Variants in LRRIQ1 observed in about 807,000 individuals in gnomAD.
LRRIQ1 encodes the protein leucine rich repeats and IQ motif containing 1.
A neutral mutation model predicts 211.9 loss-of-function variants in LRRIQ1; 210 were observed. That is an observed-to-expected ratio of 0.99 (90% confidence interval 0.89 to 1.11). LRRIQ1 has a LOEUF of 1.11. Among genes scored for constraint, LRRIQ1 ranks in the 50% most tolerant of loss-of-function variants. The pLI, the probability that LRRIQ1 is intolerant of heterozygous loss-of-function variation, is 0.00. For synonymous variants in LRRIQ1, 699 were observed against 650.1 expected (o/e 1.08, Z -1.14); for missense variants, 2,136 against 1,939.5 (o/e 1.10, Z -1.90).
At chr12:85,105,446 T>C (rs1886704219) in intron 14 of LRRIQ1, among the ~76,000 whole-genome samples, 1 of 152,142 alleles carries the variant, frequency 6.6e-6, no homozygotes, top group South Asian at 2.1e-4. Flanking sequence ...ATAACCTTTT[T>C]TTTTCATAAT....
chr12:85,201,216 T>C (rs1441240384), intron 24 of LRRIQ1, among the ~76,000 whole-genome samples: 2 of 151,720 alleles, frequency 1.3e-5, no homozygotes, highest in Non-Finnish European at 2.9e-5. Flanking sequence ...TCGAGGCTAT[T>C]GGCCTGATGT....
intron 26 of LRRIQ1, among the ~76,000 whole-genome samples, chr12:85,233,525 A>G (rs747307153): frequency 4.6e-5 from 7 of 152,134 alleles, no homozygotes; most frequent in Non-Finnish European, 7.3e-5. Flanking sequence ...ATTATAATTT[A>G]GCTTGGCTTA....
Position 85,098,381 on chromosome 12 carries a change from C to A in LRRIQ1, c.2914C>A (p.Gln972Lys), listed in dbSNP as rs780814716. 9 of 1,607,888 alleles carry A rather than the reference C, an allele frequency of 5.6e-6. 1 individual carries two copies. The highest frequency in any genetic ancestry group is 5.1e-5 in the Admixed American group (3 of 59,368). ...TGGTTTAGAATCTTTGAAAAATCTT[C>A]AACAACTAATTTTGGACCACAATCA... ...NCGLESLKNL[Q>K]QLILDHNQLI... Residue 972 changes from glutamine (Q) to lysine (K), a missense_variant, in exon 12 of 27, where the codon CAA becomes AAA. Physicochemically the swap from Gln to Lys is moderately conservative, Grantham distance 53 (BLOSUM62 1). Transcript: ENST00000393217.
Position 85,098,924 on chromosome 12 carries a change from A to G in LRRIQ1, c.3139A>G (p.Ile1047Val). 2.5e-6 allele frequency: 4 copies of G among 1,574,686 alleles called. No individual in the cohort carries two copies. Among genetic ancestry groups the G allele is most frequent in the Non-Finnish European group, 3.5e-6 (4 of 1,157,376 alleles). Reference protein sequence around the residue: ...LRELHLDDNSISTVEAFSSYW... With the variant: ...LRELHLDDNSVSTVEAFSSYW... Reference sequence around the variant, plus strand: ...AGAATTGCACTTGGATGATAACAGCATTTCAACTGTGGAAGCATTTTCTTC... The same window carrying G: ...AGAATTGCACTTGGATGATAACAGCGTTTCAACTGTGGAAGCATTTTCTTC... The change falls in exon 13 of 27, where the codon ATT becomes GTT. Residue 1047 changes from isoleucine (I) to valine (V), a missense_variant. Ile to Val is a conservative substitution (Grantham distance 29). Coordinates refer to ENST00000393217, the MANE Select transcript of LRRIQ1 (RefSeq NM_001079910.2).
chr12:85,194,755 T>C (rs1029611464), intron 24 of LRRIQ1, among the ~76,000 whole-genome samples: 1 of 151,822 alleles, frequency 6.6e-6, no homozygotes, highest in African/African-American at 2.4e-5. Context: ...ACATCACAAT[T>C]GAAAGAACTA....
At chr12:85,073,151 G>T in intron 11 of LRRIQ1, 53 bp downstream of exon 11, 1 of 1,357,116 alleles carries the variant, frequency 7.4e-7, no homozygotes. Context: ...TCTAGAGGAG[G>T]TATGGGGAGG....
Position 85,102,972 on chromosome 12 carries a change from A to ATATC in LRRIQ1, c.3210-1029_3210-1028insCTAT, listed in dbSNP as rs1886497898. 2.1e-5 allele frequency among the ~76,000 whole-genome samples: 3 copies of ATATC among 141,700 alleles called. No individual in the cohort carries two copies. The South Asian group carries it at 6.5e-4, about 31-fold the overall frequency. The allele number at this position is 141,700 out of a possible 152,430, so 93.0% of individuals were successfully genotyped here. ...AAAAAAAAAAAAAATATATATATAT[A>ATATC]TATATATATATATATTTTACTAAGG... On this transcript the variant is annotated intron_variant, in intron 13 of 26. Coordinates refer to ENST00000393217, the MANE Select transcript of LRRIQ1 (RefSeq NM_001079910.2).
In LRRIQ1 at chr12:85,055,621, A is replaced by T. The variant is rs1345733366; in HGVS notation, c.828A>T (p.Lys276Asn). 1 of 1,573,824 alleles carries T rather than the reference A, an allele frequency of 6.4e-7. No homozygotes were observed. Among genetic ancestry groups the T allele is most frequent in the Admixed American group, 2.1e-5 (1 of 48,234 alleles). ...TRFKDQQEKE[K>N]NSLLKQQNNA... ...TTAAAGACCAACAAGAAAAAGAAAA[A>T]AATTCTTTGTTAAAACAGCAGAATA... is the stretch of plus-strand genomic sequence containing the variant. The change falls in exon 8 of 27, where the codon AAA (lysine) becomes AAT (asparagine). Residue 276 changes from lysine (K) to asparagine (N), a missense_variant. Lys to Asn is a moderately conservative substitution (Grantham distance 94). Coordinates refer to ENST00000393217, the MANE Select transcript of LRRIQ1 (RefSeq NM_001079910.2).
intron 24 of LRRIQ1, among the ~76,000 whole-genome samples, chr12:85,219,739 G>A (rs1403241352): frequency 6.6e-6 from 1 of 151,942 alleles, no homozygotes. Context: ...CTTTATTCAT[G>A]AAGTCATTTT....
At chr12:85,179,059 G>T (rs1891858051) in intron 24 of LRRIQ1, among the ~76,000 whole-genome samples, 1 of 151,752 alleles carries the variant, frequency 6.6e-6, no homozygotes, top group South Asian at 2.1e-4. Context: ...TGTAACCTAT[G>T]GTTACAGGCA....
In LRRIQ1 at chr12:85,066,880, A is replaced by G. The variant is rs1350418577; in HGVS notation, c.2677A>G (p.Asn893Asp). The change falls in exon 10 of 27, where the codon AAT (asparagine) becomes GAT (aspartate). Residue 893 changes from asparagine to aspartate, a missense_variant. Physicochemically the swap from Asn to Asp is conservative, Grantham distance 23. Transcript: ENST00000393217. ...TATTCAGTGTCTTGAACTTTCATATAATAAAATTACTCGAATTGGTAAGAA... is the reference window on the plus strand; with the variant it reads ...TATTCAGTGTCTTGAACTTTCATATGATAAAATTACTCGAATTGGTAAGAA... Reference protein sequence around the residue: ...TNIQCLELSYNKITRIGYSFF... With the variant: ...TNIQCLELSYDKITRIGYSFF... 1.3e-6 allele frequency: 2 copies of G among 1,514,106 alleles called. No homozygotes were observed. The highest frequency in any genetic ancestry group is 1.3e-5 in the South Asian group (1 of 79,192). The allele number at this position is 1,514,106 out of a possible 1,614,324, so 93.8% of individuals were successfully genotyped here.
intron 10 of LRRIQ1, among the ~76,000 whole-genome samples, chr12:85,071,385 T>A (rs1480611211): frequency 1.3e-5 from 2 of 152,018 alleles, no homozygotes; most frequent in Non-Finnish European, 2.9e-5. Context: ...TTTCCATAGC[T>A]ACTTAATATT....
chr12:85,181,311 A>G (rs1416878994), intron 24 of LRRIQ1, among the ~76,000 whole-genome samples: 1 of 151,994 alleles, frequency 6.6e-6, no homozygotes, highest in African/African-American at 2.4e-5. Flanking sequence ...AGAATAGAAA[A>G]ACCAACCCTT....
At chr12:85,215,398 A>G (rs961384720) in intron 24 of LRRIQ1, among the ~76,000 whole-genome samples, 14 of 152,100 alleles carry the variant, frequency 9.2e-5, no homozygotes, top group Admixed American at 3.3e-4. Flanking sequence ...GGTTTGTTAC[A>G]TAGCTAGACT....
chr12:85,245,157 C>T, downstream of LRRIQ1: 5 of 655,126 alleles, frequency 7.6e-6, no homozygotes, highest in South Asian at 3.1e-5. Context: ...TCTCCTGCCC[C>T]CCACACCCTG....
rs1288912167 is a variant in LRRIQ1 at position 85,229,921 on chromosome 12, G to A, written c.4955+272G>A. On this transcript the variant is annotated intron_variant, in intron 25 of 26. Coordinates refer to ENST00000393217, the MANE Select transcript of LRRIQ1 (RefSeq NM_001079910.2). Reference sequence around the variant, plus strand: ...TCTACTCTATAAAGTAAAAAATGTGGTATTCATTAAATGTTTTTAGATATC... The same window carrying A: ...TCTACTCTATAAAGTAAAAAATGTGATATTCATTAAATGTTTTTAGATATC... Among the ~76,000 whole-genome samples, 4 of 152,082 alleles carry A rather than the reference G, an allele frequency of 2.6e-5. No homozygotes were observed. In the South Asian group the frequency reaches 6.2e-4, roughly 24 times the overall value.
intron 20 of LRRIQ1, 57 bp downstream of exon 20, chr12:85,152,426 G>A: frequency 7.2e-7 from 1 of 1,384,140 alleles, no homozygotes; most frequent in Non-Finnish European, 1.0e-6. Flanking sequence ...TTAAGGTTAT[G>A]CTATGTTGCA....
intron 6 of LRRIQ1, 63 bp from the exon 7 acceptor site, chr12:85,052,114 T>C (rs554803290): frequency 3.2e-6 from 3 of 928,746 alleles, no homozygotes; most frequent in Non-Finnish European, 4.9e-6. Context: ...GAGAATCATA[T>C]ATAATTAACA....
intron 24 of LRRIQ1, among the ~76,000 whole-genome samples, chr12:85,192,056 G>A (rs879826479): frequency 6.6e-6 from 1 of 151,764 alleles, no homozygotes; most frequent in South Asian, 2.1e-4. Context: ...TAAATTGCGT[G>A]TCACGGGGGG....
Sources: gnomAD v4.1 joint callset for allele counts (sites outside exome capture counted in the v4.1 genomes callset) on GRCh38, gnomAD v4.1.1 for gene constraint, MANE v1.5 for transcripts, NCBI Gene and HGNC (gene_info 2026-07-23, HGNC 2026-07-21) for gene names.